Variants in TRIM37 observed in about 807,000 individuals in gnomAD.
TRIM37 encodes the protein E3 ubiquitin-protein ligase TRIM37.
A neutral mutation model predicts 129.8 loss-of-function variants in TRIM37; 80 were observed. The ratio of observed to expected loss-of-function variants is 0.62; its 90% confidence interval spans 0.51 to 0.74. The LOEUF (loss-of-function observed/expected upper bound fraction) is 0.74, where lower values mean the gene tolerates loss of function less well. Ranked by LOEUF, TRIM37 falls within the 30% of genes least tolerant of loss-of-function variation. The pLI is 0.00. For missense variants in TRIM37, 1,054 were observed against 1,176.5 expected, an observed-to-expected ratio of 0.90 and a Z score of 1.52; for synonymous variants, 389 against 387.1, an observed-to-expected ratio of 1.00 and a Z score of -0.06.
intron 19 of TRIM37, among the ~76,000 whole-genome samples, chr17:59,018,722 G>GT (rs202036450): frequency 0.012 from 1,729 of 139,974 alleles, 24 homozygotes; most frequent in South Asian, 0.08. Flanking sequence ...TAGTAGCTGT[G>GT]TTTTTTTTTT....
At chr17:58,978,274 T>C (rs897714435), downstream of TRIM37, among the ~76,000 whole-genome samples, 3 of 152,248 alleles carry the variant, frequency 2.0e-5, no homozygotes, top group Non-Finnish European at 2.9e-5. Flanking sequence ...AATATGCCAC[T>C]GCTATACAGT....
chr17:59,041,819 G>T lies in TRIM37; in HGVS notation c.1747C>A (p.Pro583Thr). The change falls in exon 17 of 24, where the codon CCC (proline) becomes ACC (threonine). Residue 583 changes from proline to threonine, a missense_variant. Physicochemically the swap from Pro to Thr is conservative, Grantham distance 38. This residue lies in a region of TRIM37 where 752 missense variants were observed against 870.8 expected (regional missense o/e 0.86). Transcript: ENST00000262294. ...AGTGGAGTGACCTCATTACCTGCGG[G>T]TCCTGCAGCAGCTGCATCTTCCATG... is the stretch of plus-strand genomic sequence containing the variant. ...ELMEDAAAAG[P>T]AGSSHGYVGS... 1 of 1,613,242 alleles carries T rather than the reference G, an allele frequency of 6.2e-7. No homozygotes were observed.
intron 24 of TRIM37, among the ~76,000 whole-genome samples, chr17:58,991,859 A>C (rs1486449672): frequency 6.6e-6 from 1 of 152,168 alleles, no homozygotes; most frequent in Non-Finnish European, 1.5e-5. Flanking sequence ...GCAGCGTCTC[A>C]GTAAAGACTC....
chr17:59,035,493 C>T (rs1035100875), intron 17 of TRIM37, among the ~76,000 whole-genome samples: 1 of 151,962 alleles, frequency 6.6e-6, no homozygotes, highest in Non-Finnish European at 1.5e-5. Flanking sequence ...GTGGTTCACG[C>T]CTGTAATCCC....
intron 2 of TRIM37, among the ~76,000 whole-genome samples, chr17:59,096,191 C>CTAAATAA (rs961355708): frequency 1.3e-5 from 2 of 151,694 alleles, no homozygotes; most frequent in Non-Finnish European, 1.5e-5. Context: ...GCATACAGAA[C>CTAAATAA]TAAATAAGCC....
chr17:58,987,564 G>T (rs1176522592), intron 24 of TRIM37, among the ~76,000 whole-genome samples: 1 of 152,214 alleles, frequency 6.6e-6, no homozygotes, highest in Non-Finnish European at 1.5e-5. Flanking sequence ...CTTACCATTT[G>T]CTCTTAAGCA....
intron 13 of TRIM37, 64 bp from the exon 14 acceptor site, chr17:59,051,392 T>C: frequency 8.6e-7 from 1 of 1,162,670 alleles, no homozygotes; most frequent in Non-Finnish European, 1.3e-6. Flanking sequence ...AGTCTAGCAC[T>C]GAATTCTGCA....
chr17:58,975,449 C>A, the TRIM37 span, among the ~76,000 whole-genome samples: 95 of 152,160 alleles, frequency 6.2e-4, no homozygotes, highest in African/African-American at 2.2e-3. Flanking sequence ...CCAACCTGGG[C>A]AACATAGTGA....
chr17:59,055,872 A>C (rs781666533), intron 13 of TRIM37, among the ~76,000 whole-genome samples: 18 of 152,100 alleles, frequency 1.2e-4, no homozygotes, highest in Non-Finnish European at 1.8e-4. Context: ...CCAAATCACC[A>C]TGATGTGAGT....
At chr17:59,001,812 A>G in intron 22 of TRIM37, 98 bp from the exon 23 acceptor site, 1 of 1,507,368 alleles carries the variant, frequency 6.6e-7, no homozygotes, top group Non-Finnish European at 9.0e-7. Context: ...TTCCTATTGA[A>G]TTTTACATGG....
At chr17:59,084,860 G>A (rs570827190) in intron 4 of TRIM37, among the ~76,000 whole-genome samples, 1 of 152,272 alleles carries the variant, frequency 6.6e-6, no homozygotes, top group East Asian at 1.9e-4. Context: ...AAGTCAAGGA[G>A]AAAGGGAGGC....
At chr17:58,989,486 T>TACTA (rs2032146150) in intron 24 of TRIM37, among the ~76,000 whole-genome samples, 1 of 152,062 alleles carries the variant, frequency 6.6e-6, no homozygotes, top group African/African-American at 2.4e-5. Context: ...AAATGGTGGA[T>TACTA]ACTATGCAAG....
At chr17:59,041,948 T>C (rs770571992) in intron 16 of TRIM37, 50 bp from the exon 17 acceptor site, 1 of 1,337,500 alleles carries the variant, frequency 7.5e-7, no homozygotes, top group Non-Finnish European at 1.1e-6. Flanking sequence ...CAATAAACGT[T>C]GTTTTTCACA....
chr17:58,982,807 C>A, exon 25 of TRIM37: 1 of 1,118,966 alleles, frequency 8.9e-7, no homozygotes, highest in Non-Finnish European at 1.3e-6. Context: ...GTGCCGGAAC[C>A]TTTTCATCAT....
intron 2 of TRIM37, 94 bp downstream of exon 2, chr17:59,104,199 G>A: frequency 1.6e-6 from 2 of 1,283,118 alleles, no homozygotes; most frequent in Non-Finnish European, 2.2e-6. Context: ...GCACTTTAGG[G>A]CAAAAAATGT....
At chr17:59,077,680 C>T (rs1478154693) in intron 7 of TRIM37, among the ~76,000 whole-genome samples, 3 of 151,734 alleles carry the variant, frequency 2.0e-5, no homozygotes, top group African/African-American at 4.8e-5. Context: ...CGTGGTGGCA[C>T]GTGCCTGTAG....
chr17:58,986,063 G>A (rs2031774874), intron 24 of TRIM37, among the ~76,000 whole-genome samples: 2 of 152,046 alleles, frequency 1.3e-5, no homozygotes, highest in Admixed American at 1.3e-4. Flanking sequence ...GGAACCACTA[G>A]GTACAGTAAA....
the TRIM37 span, among the ~76,000 whole-genome samples, chr17:58,973,884 G>A: frequency 1.3e-5 from 2 of 151,252 alleles, no homozygotes; most frequent in African/African-American, 2.4e-5. Flanking sequence ...TCTGGGAGGC[G>A]GAGGTTGCAG....
At chr17:59,101,022 C>CAAAA (rs35079890) in intron 2 of TRIM37, among the ~76,000 whole-genome samples, 2 of 105,280 alleles carry the variant, frequency 1.9e-5, no homozygotes, top group African/African-American at 3.6e-5. Flanking sequence ...AACGCCGTCT[C>CAAAA]AAAAAAAAAA....
Sources: allele counts gnomAD v4.1 joint callset (sites outside exome capture counted in the v4.1 genomes callset), GRCh38; gene constraint gnomAD v4.1.1; regional missense constraint gnomAD v4.1.1; transcripts MANE v1.5; gene names NCBI Gene and HGNC (gene_info 2026-07-23, HGNC 2026-07-21).